Variants in RABEPK observed in about 807,000 individuals in gnomAD.
RABEPK encodes the protein Rab9 effector protein with kelch motifs.
In RABEPK, 27 loss-of-function variants were observed where a neutral mutation model predicts 34.1. The observed-to-expected ratio is 0.79, with a 90% CI of 0.58 to 1.09. RABEPK has a LOEUF of 1.09. Ranked by LOEUF, RABEPK falls within the 50% of genes least tolerant of loss-of-function variation. The pLI is 0.00. For synonymous variants in RABEPK, 172 were observed against 169.2 expected (o/e 1.02, Z -0.13); for missense variants, 449 against 462.6 (o/e 0.97, Z 0.27).
chr9:125,207,841 CA>C, intron 3 of RABEPK, 120 bp downstream of exon 3: 1 of 1,242,914 alleles, frequency 8.0e-7, no homozygotes, highest in Admixed American at 2.2e-5. Flanking sequence ...AAAACATGGC[CA>C]GGACCAGGTG....
At chr9:125,213,761 G>C (rs1477426970) in intron 4 of RABEPK, among the ~76,000 whole-genome samples, 1 of 152,202 alleles carries the variant, frequency 6.6e-6, no homozygotes, top group Non-Finnish European at 1.5e-5. Flanking sequence ...AAAGCTGGAA[G>C]GGACTTCAGA....
Position 125,203,020 on chromosome 9 carries a change from C to T in RABEPK, c.7C>T (p.Gln3Ter). MK[Q>*]LPVLEPGDKP... is the part of the protein sequence containing the mutation. ...TTCTTATGCATAGGACACCATGAAG[C>T]AACTGCCAGTCTTGGAACCTGGAGA... is the stretch of plus-strand genomic sequence containing the variant. The change falls in exon 2 of 8, where the codon CAA becomes TAA. Residue 3 changes from glutamine (Q) to a stop codon, truncating the protein, a stop_gained. Coordinates refer to ENST00000373538, the MANE Select transcript of RABEPK (RefSeq NM_005833.4). LOFTEE classifies it high-confidence loss of function. The T allele has an allele frequency of 6.2e-7, 1 of 1,613,598 alleles. No homozygotes were observed. The highest frequency in any genetic ancestry group is 1.3e-5 in the African/African-American group (1 of 75,016).
Position 125,200,838 on chromosome 9 carries a change from C to T in RABEPK, c.-75C>T, listed in dbSNP as rs1170502410. The T allele has an allele frequency of 4.2e-6, 2 of 471,240 alleles. No homozygotes were observed. The highest frequency in any genetic ancestry group is 8.8e-6 in the Non-Finnish European group (2 of 227,066). The allele number at this position is 471,240 out of a possible 1,614,324, so 29.2% of individuals were successfully genotyped here. ...GTAGCGGCGGCTGCTGCGGGAGGTC[C>T]CGCCCACGTGAAGCCAGCCTAACTG... is the stretch of plus-strand genomic sequence containing the variant. On this transcript the variant is annotated 5_prime_UTR_variant, in exon 1 of 8. Coordinates refer to ENST00000373538, the MANE Select transcript of RABEPK (RefSeq NM_005833.4).
intron 6 of RABEPK, among the ~76,000 whole-genome samples, chr9:125,230,769 T>G (rs1267751803): frequency 6.6e-6 from 1 of 151,020 alleles, no homozygotes; most frequent in Admixed American, 6.6e-5. Flanking sequence ...TCTCCTGACC[T>G]TGTGATCCGC....
chr9:125,208,822 A>G (rs1830406409), intron 3 of RABEPK, among the ~76,000 whole-genome samples: 1 of 152,084 alleles, frequency 6.6e-6, no homozygotes, highest in Non-Finnish European at 1.5e-5. Context: ...GGTATGAGCC[A>G]CCACGCCCAG....
intron 3 of RABEPK, among the ~76,000 whole-genome samples, chr9:125,212,433 A>C (rs1830646115): frequency 6.6e-6 from 1 of 151,922 alleles, no homozygotes; most frequent in Non-Finnish European, 1.5e-5. Flanking sequence ...GTTAGCCAGG[A>C]TGGTCTTGAT....
intron 4 of RABEPK, chr9:125,220,299 C>A: frequency 7.1e-7 from 1 of 1,415,886 alleles, no homozygotes; most frequent in Non-Finnish European, 9.2e-7. Context: ...ACACTGCACC[C>A]AGCCTGACTC....
Position 125,220,647 on chromosome 9 carries a change from G to T in RABEPK, c.473G>T (p.Gly158Val), listed in dbSNP as rs751332418. 3 of 1,614,048 alleles carry T rather than the reference G, an allele frequency of 1.9e-6. No homozygotes were observed. In the African/African-American group the frequency reaches 4.0e-5, roughly 22 times the overall value. The change falls in exon 5 of 8, where the codon GGA becomes GTA. Residue 158 changes from glycine (G) to valine (V), a missense_variant. Coordinates refer to ENST00000373538, the MANE Select transcript of RABEPK (RefSeq NM_005833.4). The part of the protein sequence containing the change: ...IGNQLYVFGG[G>V]ERGAQPVQDT... ...AACCAGCTATATGTCTTTGGGGGCG[G>T]AGAGAGAGGTGCCCAGCCCGTGCAG...
chr9:125,224,875 C>A (rs772702229), intron 5 of RABEPK, among the ~76,000 whole-genome samples: 46 of 152,142 alleles, frequency 3.0e-4, no homozygotes, highest in Admixed American at 2.0e-4. Context: ...CATATTCTAA[C>A]CATTATCCTA....
chr9:125,207,902 G>C (rs1411326115), intron 3 of RABEPK, among the ~76,000 whole-genome samples, 181 bp downstream of exon 3: 2 of 152,144 alleles, frequency 1.3e-5, no homozygotes, highest in African/African-American at 4.8e-5. Context: ...AAGGCAGGTG[G>C]ATCACCTGAG....
intron 6 of RABEPK, among the ~76,000 whole-genome samples, chr9:125,229,959 G>C (rs1176013976): frequency 6.6e-6 from 1 of 151,944 alleles, no homozygotes; most frequent in Non-Finnish European, 1.5e-5. Context: ...GCAGATAGTG[G>C]GTGACAGGTA....
intron 1 of RABEPK, among the ~76,000 whole-genome samples, chr9:125,202,068 G>A (rs55991103): frequency 0.1 from 15,270 of 151,394 alleles, 1,037 homozygotes; most frequent in Non-Finnish European, 0.14. Flanking sequence ...AAAAAAATTA[G>A]CCAGGTGTGG....
intron 6 of RABEPK, 109 bp from the exon 7 acceptor site, chr9:125,232,487 C>T: frequency 7.9e-7 from 1 of 1,266,586 alleles, no homozygotes; most frequent in Non-Finnish European, 1.1e-6. Context: ...CCTCTCAGAG[C>T]TCTTGGTGAA....
intron 4 of RABEPK, among the ~76,000 whole-genome samples, chr9:125,215,200 G>C (rs1645200241): frequency 6.9e-6 from 1 of 144,334 alleles, no homozygotes; most frequent in African/African-American, 2.7e-5. Context: ...AGGAGAAATA[G>C]GTGGGTTTTT....
chr9:125,232,519 C>A (rs1254197143), intron 6 of RABEPK, 77 bp from the exon 7 acceptor site: 15 of 1,452,710 alleles, frequency 1.0e-5, no homozygotes, highest in Non-Finnish European at 1.4e-5. Flanking sequence ...GATTGGTGTG[C>A]AAACTACAGT....
intron 2 of RABEPK, among the ~76,000 whole-genome samples, chr9:125,205,702 A>T (rs1830181131): frequency 6.6e-6 from 1 of 152,014 alleles, no homozygotes; most frequent in Non-Finnish European, 1.5e-5. Context: ...GTTGCCCAGG[A>T]TGGTCTCAAT....
rs569727840 is a variant in RABEPK, at chr9:125,233,880, A to G, written c.1019A>G (p.His340Arg). The change falls in exon 8 of 8, where the codon CAT becomes CGT. Residue 340 changes from histidine (H) to arginine (R), a missense_variant. Coordinates refer to ENST00000373538, the MANE Select transcript of RABEPK (RefSeq NM_005833.4). ...DKVMSHSGDSHEESQTATLLC... is the reference protein window; with the variant it reads ...DKVMSHSGDSREESQTATLLC... ...GTAATGAGCCACAGTGGTGACTCAC[A>G]TGAGGAAAGCCAGACTGCTACACTG... is the stretch of plus-strand genomic sequence containing the variant. 7 of 1,613,876 alleles carry G rather than the reference A, an allele frequency of 4.3e-6. No individual in the cohort carries two copies. In the East Asian group the frequency reaches 1.6e-4, roughly 36 times the overall value.
chr9:125,230,649 C>A (rs1832102412), intron 6 of RABEPK, among the ~76,000 whole-genome samples: 1 of 151,220 alleles, frequency 6.6e-6, no homozygotes, highest in Admixed American at 6.6e-5. Flanking sequence ...CATTCTCCTG[C>A]CTCAGCCTCC....
Position 125,207,684 on chromosome 9 carries a change from A to C in RABEPK, c.174A>C (p.Pro58=). The C allele has an allele frequency of 6.2e-7, 1 of 1,614,206 alleles. No individual in the cohort carries two copies. ...TCTTCATTGTTGGGGGAGCAAATCCAAACAGAAGCTTCTCAGACGTGCACA... is the reference window on the plus strand; with the variant it reads ...TCTTCATTGTTGGGGGAGCAAATCCCAACAGAAGCTTCTCAGACGTGCACA... The part of the protein sequence containing the change: ...GKVFIVGGAN[P]NRSFSDVHTM... The change falls in exon 3 of 8, where the codon CCA becomes CCC. Residue 58 remains proline, a synonymous_variant. Transcript: ENST00000373538.
Sources: gnomAD v4.1 joint callset for allele counts (sites outside exome capture counted in the v4.1 genomes callset) on GRCh38, gnomAD v4.1.1 for gene constraint, MANE v1.5 for transcripts, NCBI Gene and HGNC (gene_info 2026-07-23, HGNC 2026-07-21) for gene names.